GRAMD2B: variants seen among roughly 807,000 people sequenced by gnomAD.
GRAMD2B encodes the protein GRAM domain containing 2B.
A neutral mutation model predicts 59.2 loss-of-function variants in GRAMD2B; 41 were observed. That is an observed-to-expected ratio of 0.69 (90% CI 0.54 to 0.90). The LOEUF (loss-of-function observed/expected upper bound fraction) is 0.90, where lower values mean the gene tolerates loss of function less well. GRAMD2B is among the 40% of genes least tolerant of loss of function. The pLI, the probability that GRAMD2B is intolerant of heterozygous loss-of-function variation, is 0.00. For missense variants in GRAMD2B, 424 were observed against 500.5 expected, an observed-to-expected ratio of 0.85 and a Z score of 1.46; for synonymous variants, 161 against 182.7, an observed-to-expected ratio of 0.88 and a Z score of 0.96.
intron 1 of GRAMD2B, among the ~76,000 whole-genome samples, chr5:126,443,819 G>A (rs779571687): frequency 1.3e-5 from 2 of 152,208 alleles, no homozygotes; most frequent in Non-Finnish European, 2.9e-5. Context: ...GGAGGCTGAG[G>A]CAGGTGGATC....
At chr5:126,390,759 G>C (rs1251178153) in intron 1 of GRAMD2B, among the ~76,000 whole-genome samples, 2 of 152,124 alleles carry the variant, frequency 1.3e-5, no homozygotes, top group Non-Finnish European at 2.9e-5. Flanking sequence ...ACATTTACTA[G>C]ATGTCTTCTG....
intron 1 of GRAMD2B, among the ~76,000 whole-genome samples, chr5:126,460,713 C>G (rs1767191344): frequency 6.6e-6 from 1 of 152,180 alleles, no homozygotes; most frequent in Admixed American, 6.5e-5. Context: ...AGGCAGCACT[C>G]CAAAAACAAG....
chr5:126,377,928 G>T (rs1326560813), intron 1 of GRAMD2B, among the ~76,000 whole-genome samples: 2 of 152,162 alleles, frequency 1.3e-5, no homozygotes, highest in Non-Finnish European at 2.9e-5. Flanking sequence ...TAAAGTGGTA[G>T]ATTCTATTCT....
chr5:126,452,414 A>G (rs1372134085), intron 1 of GRAMD2B, among the ~76,000 whole-genome samples: 1 of 152,176 alleles, frequency 6.6e-6, no homozygotes, highest in Non-Finnish European at 1.5e-5. Context: ...GTGGACACAA[A>G]CATTCAGACC....
upstream of GRAMD2B, among the ~76,000 whole-genome samples, chr5:126,366,915 C>G (rs1198859968): frequency 7.1e-6 from 1 of 140,616 alleles, no homozygotes; most frequent in African/African-American, 2.7e-5. Context: ...AGTGCAGTGG[C>G]GCGATCTCGG....
intron 1 of GRAMD2B, among the ~76,000 whole-genome samples, chr5:126,377,849 A>C (rs779785261): frequency 3.9e-5 from 6 of 152,232 alleles, no homozygotes; most frequent in Non-Finnish European, 8.8e-5. Context: ...AAATGTACAG[A>C]GCCAGAAACT....
At position 126,472,318 on chromosome 5, in the gene GRAMD2B, T is replaced by C. The variant is rs1442954818; in HGVS notation, c.382+14T>C. ...CACTGAAGCAAAGTAAGTTCTGACC[T>C]GTTTGACTTTTTAAGCTACATATTT... On this transcript the variant is annotated intron_variant, in intron 4 of 13. Coordinates refer to ENST00000285689, the MANE Select transcript of GRAMD2B (RefSeq NM_023927.4). 6.2e-7 allele frequency: 1 copy of C among 1,609,170 alleles called. No homozygotes were observed. The highest frequency in any genetic ancestry group is 1.7e-5 in the Admixed American group (1 of 59,890).
chr5:126,465,463 G>T lies in GRAMD2B; in HGVS notation c.121G>T (p.Ala41Ser). The T allele has an allele frequency of 6.2e-7, 1 of 1,614,120 alleles. No individual in the cohort carries two copies. The highest frequency in any genetic ancestry group is 1.3e-5 in the African/African-American group (1 of 75,014). ...GAATGGTGTGGAGGAGAAAAAGAAAGCCTGCAGGTCGCCAACAGCCCAATC... is the reference window on the plus strand; with the variant it reads ...GAATGGTGTGGAGGAGAAAAAGAAATCCTGCAGGTCGCCAACAGCCCAATC... Reference protein sequence around the residue: ...AENGVEEKKKACRSPTAQSPT... With the variant: ...AENGVEEKKKSCRSPTAQSPT... Residue 41 changes from alanine (A) to serine (S), a missense_variant, in exon 2 of 14, where the codon GCC becomes TCC. Transcript: ENST00000285689.
At chr5:126,430,221 A>G (rs1278986817) in intron 1 of GRAMD2B, among the ~76,000 whole-genome samples, 1 of 152,224 alleles carries the variant, frequency 6.6e-6, no homozygotes, top group Non-Finnish European at 1.5e-5. Context: ...GAACCAACTT[A>G]AACTAAATTT....
At chr5:126,366,093 G>C (rs1754424327) in intron 1 of GRAMD2B, among the ~76,000 whole-genome samples, 1 of 152,218 alleles carries the variant, frequency 6.6e-6, no homozygotes, top group Non-Finnish European at 1.5e-5. Flanking sequence ...TCTCTGACAA[G>C]GGGATAACAT....
chr5:126,385,640 T>C (rs1213930072), intron 1 of GRAMD2B, among the ~76,000 whole-genome samples: 2 of 152,212 alleles, frequency 1.3e-5, no homozygotes, highest in Non-Finnish European at 2.9e-5. Context: ...AGTCAAAAAG[T>C]ATTTATTGTG....
chr5:126,421,578 AGAGGC>A (rs1158829622), upstream of GRAMD2B, among the ~76,000 whole-genome samples: 1 of 152,198 alleles, frequency 6.6e-6, no homozygotes, highest in East Asian at 1.9e-4. Flanking sequence ...AAAAAGAGAG[AGAGGC>A]CTGACTAAGC....
chr5:126,489,071 G>T (rs905871547), intron 13 of GRAMD2B, among the ~76,000 whole-genome samples, 179 bp downstream of exon 13: 6 of 152,222 alleles, frequency 3.9e-5, no homozygotes, highest in Non-Finnish European at 8.8e-5. Context: ...TTTCCACAAA[G>T]AAATAGGTCT....
chr5:126,444,472 GAT>G (rs1763852338), intron 1 of GRAMD2B, among the ~76,000 whole-genome samples: 1 of 152,212 alleles, frequency 6.6e-6, no homozygotes, highest in Non-Finnish European at 1.5e-5. Flanking sequence ...CTTTTGCAAA[GAT>G]AAGGGGACAG....
chr5:126,416,033 G>A (rs570109766), intron 1 of GRAMD2B, among the ~76,000 whole-genome samples: 1 of 152,308 alleles, frequency 6.6e-6, no homozygotes, highest in East Asian at 1.9e-4. Context: ...AAAGAGAAAG[G>A]CCAGGACTAA....
At chr5:126,423,099 C>A (rs1439409586), upstream of GRAMD2B, 4 of 912,918 alleles carry the variant, frequency 4.4e-6, no homozygotes, top group African/African-American at 1.8e-5. Flanking sequence ...GCCCACACAG[C>A]GCATTTGTGT....
At chr5:126,392,273 G>T (rs1218173596) in intron 1 of GRAMD2B, among the ~76,000 whole-genome samples, 1 of 152,164 alleles carries the variant, frequency 6.6e-6, no homozygotes, top group East Asian at 1.9e-4. Context: ...TTCGACTCAT[G>T]GCTAAGATTT....
intron 12 of GRAMD2B, among the ~76,000 whole-genome samples, chr5:126,488,355 G>A (rs780654113): frequency 5.9e-5 from 9 of 152,112 alleles, no homozygotes; most frequent in South Asian, 2.1e-4. Context: ...CAAAAGTCTC[G>A]TGTTTCAAGG....
At chr5:126,404,273 C>T (rs949007579) in intron 1 of GRAMD2B, among the ~76,000 whole-genome samples, 1 of 151,764 alleles carries the variant, frequency 6.6e-6, no homozygotes, top group Admixed American at 6.6e-5. Context: ...AAAAGTTAAG[C>T]CCCTTTTTTT....
Sources: allele counts gnomAD v4.1 joint callset (sites outside exome capture counted in the v4.1 genomes callset), GRCh38; gene constraint gnomAD v4.1.1; transcripts MANE v1.5; gene names NCBI Gene and HGNC (gene_info 2026-07-23, HGNC 2026-07-21).